The following GRIN2A variants were observed in gnomAD, a reference collection of about 807,000 sequenced individuals.
GRIN2A encodes the protein glutamate receptor ionotropic, NMDA 2A.
Under a neutral mutation model 113.4 loss-of-function variants are expected in GRIN2A, and 22 were observed. That is an observed-to-expected ratio of 0.19 (90% CI 0.14 to 0.28). The LOEUF is 0.28. GRIN2A is among the 10% of genes least tolerant of loss of function. The pLI, the probability that GRIN2A is intolerant of heterozygous loss-of-function variation, is 1.00. For synonymous variants in GRIN2A, 827 were observed against 738.4 expected (o/e 1.12, Z -1.94); for missense variants, 1,502 against 1,887.0 (o/e 0.80, Z 3.78).
intron 11 of GRIN2A, among the ~76,000 whole-genome samples, chr16:9,778,076 A>C (rs2267781): frequency 0.39 from 59,845 of 151,986 alleles, 12,320 homozygotes; most frequent in East Asian, 0.56. Flanking sequence ...AAACAACAAC[A>C]ACAAAAAACC....
chr16:10,039,357 C>T (rs1266230376), intron 2 of GRIN2A, among the ~76,000 whole-genome samples: 2 of 152,174 alleles, frequency 1.3e-5, no homozygotes, highest in Admixed American at 1.3e-4. Flanking sequence ...AAACCTGCAC[C>T]AAAAACCTGC....
intron 2 of GRIN2A, among the ~76,000 whole-genome samples, chr16:10,038,628 G>A (rs954196565): frequency 6.6e-6 from 1 of 152,002 alleles, no homozygotes; most frequent in Non-Finnish European, 1.5e-5. Flanking sequence ...CAGATCACGA[G>A]GTCAGGAGAT....
At chr16:10,019,377 A>C (rs837703) in intron 2 of GRIN2A, among the ~76,000 whole-genome samples, 103,876 of 152,110 alleles carry the variant, frequency 0.68, 35,993 homozygotes, top group Middle Eastern at 0.8. Context: ...CATCTATCAC[A>C]GTCTGGCATA....
chr16:9,816,205 A>G (rs1404775757), intron 10 of GRIN2A, among the ~76,000 whole-genome samples: 1 of 152,222 alleles, frequency 6.6e-6, no homozygotes, highest in Non-Finnish European at 1.5e-5. Flanking sequence ...GTACCACACG[A>G]TGAATGCATT....
Position 9,755,713 on chromosome 16 carries a change from A to T in GRIN2A, c.*7436T>A, listed in dbSNP as rs1186649458. The T allele has an allele frequency of 2.4e-5, 5 of 209,470 alleles. No individual in the cohort carries two copies. The highest frequency in any genetic ancestry group is 3.9e-5 in the Non-Finnish European group (4 of 102,672). The allele number at this position is 209,470 out of a possible 1,614,324, so 13.0% of individuals were successfully genotyped here. On this transcript the variant is annotated 3_prime_UTR_variant, in exon 13 of 13. Transcript: ENST00000330684. The stretch of plus-strand genomic sequence containing the variant: ...GTGTGCTCAGGGGCATGCCTGCAGG[A>T]TATGTTAAACATTAGGCCATTCTGG...
chr16:9,973,160 T>A (rs2045707769), intron 2 of GRIN2A, among the ~76,000 whole-genome samples: 1 of 152,176 alleles, frequency 6.6e-6, no homozygotes, highest in Non-Finnish European at 1.5e-5. Flanking sequence ...AGTGATGTTA[T>A]CCCCAGGAGC....
chr16:9,903,071 C>T (rs1432249177), intron 3 of GRIN2A, among the ~76,000 whole-genome samples: 2 of 151,112 alleles, frequency 1.3e-5, no homozygotes, highest in Non-Finnish European at 2.9e-5. Context: ...TGGATTCAAG[C>T]GATTCACCTG....
chr16:9,815,957 C>T (rs1418485036), intron 10 of GRIN2A, among the ~76,000 whole-genome samples: 2 of 152,196 alleles, frequency 1.3e-5, no homozygotes, highest in Non-Finnish European at 2.9e-5. Context: ...AAAATTTTGG[C>T]ACATGCCAAA....
intron 2 of GRIN2A, among the ~76,000 whole-genome samples, chr16:10,134,617 C>T (rs1451316180): frequency 6.6e-6 from 1 of 151,952 alleles, no homozygotes; most frequent in South Asian, 2.1e-4. Flanking sequence ...CCTAGAACTT[C>T]GAGTATAATA....
intron 2 of GRIN2A, among the ~76,000 whole-genome samples, chr16:10,064,543 T>A (rs758068415): frequency 6.6e-6 from 1 of 152,256 alleles, no homozygotes; most frequent in African/African-American, 2.4e-5. Context: ...TCTACATTGA[T>A]GTTTCTCAAG....
At chr16:10,036,437 C>CTTTTT (rs1360199200) in intron 2 of GRIN2A, among the ~76,000 whole-genome samples, 9 of 92,646 alleles carry the variant, frequency 9.7e-5, no homozygotes, top group East Asian at 2.4e-4. Flanking sequence ...TTAGTACTTA[C>CTTTTT]TTTTTTTTTT....
chr16:10,025,838 GCAA>G, intron 2 of GRIN2A, among the ~76,000 whole-genome samples: 2 of 152,070 alleles, frequency 1.3e-5, no homozygotes, highest in African/African-American at 4.8e-5. Context: ...AAATCTTACT[GCAA>G]ACCCTGGAGG....
intron 3 of GRIN2A, among the ~76,000 whole-genome samples, chr16:9,909,326 G>A (rs1456292132): frequency 6.6e-6 from 1 of 152,178 alleles, no homozygotes; most frequent in Non-Finnish European, 1.5e-5. Context: ...TATGGGTGGG[G>A]ACAATGCCAA....
chr16:10,019,144 A>G (rs1004344963), intron 2 of GRIN2A, among the ~76,000 whole-genome samples: 1 of 152,086 alleles, frequency 6.6e-6, no homozygotes, highest in African/African-American at 2.4e-5. Context: ...CCCATTAATA[A>G]AAAGAGGGAA....
chr16:10,169,369 A>G (rs894784921), intron 2 of GRIN2A, among the ~76,000 whole-genome samples: 10 of 152,126 alleles, frequency 6.6e-5, no homozygotes, highest in African/African-American at 2.4e-4. Flanking sequence ...AACAGAAGCA[A>G]TTTTGCTCAG....
intron 5 of GRIN2A, among the ~76,000 whole-genome samples, chr16:9,847,974 T>C (rs1188495768): frequency 6.8e-6 from 1 of 146,540 alleles, no homozygotes; most frequent in African/African-American, 2.5e-5. Flanking sequence ...TGAAAATATA[T>C]GGTTTATATA....
intron 2 of GRIN2A, among the ~76,000 whole-genome samples, chr16:10,015,621 T>G (rs1378962322): frequency 6.6e-6 from 1 of 152,248 alleles, no homozygotes; most frequent in African/African-American, 2.4e-5. Context: ...TTCATTTGCA[T>G]GTATATAACA....
intron 2 of GRIN2A, among the ~76,000 whole-genome samples, chr16:10,065,397 C>G (rs1364557541): frequency 6.6e-6 from 1 of 152,214 alleles, no homozygotes; most frequent in African/African-American, 2.4e-5. Context: ...CTTTCTCTAT[C>G]TAGCACAATA....
intron 10 of GRIN2A, among the ~76,000 whole-genome samples, chr16:9,813,930 A>G (rs989235823): frequency 1.3e-5 from 2 of 152,112 alleles, no homozygotes; most frequent in African/African-American, 2.4e-5. Context: ...CTGGAAATGA[A>G]CCATTTGTGT....
Sources: gnomAD v4.1 joint callset for allele counts (sites outside exome capture counted in the v4.1 genomes callset) on GRCh38, gnomAD v4.1.1 for gene constraint, MANE v1.5 for transcripts, NCBI Gene and HGNC (gene_info 2026-07-23, HGNC 2026-07-21) for gene names.